The following ARHGEF10 variants were observed in gnomAD, a reference collection of about 807,000 sequenced individuals.
ARHGEF10 encodes the protein Rho guanine nucleotide exchange factor (GEF) 10.
A neutral mutation model predicts 147.4 loss-of-function variants in ARHGEF10; 140 were observed. The ratio of observed to expected loss-of-function variants is 0.95; its 90% CI spans 0.83 to 1.09. The LOEUF is 1.09. Ranked by LOEUF, ARHGEF10 falls within the 50% of genes least tolerant of loss-of-function variation. The pLI, the probability that ARHGEF10 is intolerant of heterozygous loss-of-function variation, is 0.00. For synonymous variants in ARHGEF10, 902 were observed against 695.8 expected, an observed-to-expected ratio of 1.30 and a Z score of -4.67; for missense variants, 2,222 against 1,752.7, an observed-to-expected ratio of 1.27 and a Z score of -4.78.
At chr8:1,898,690 C>A (rs560816442) in intron 15 of ARHGEF10, among the ~76,000 whole-genome samples, 165 bp downstream of exon 15, 1 of 152,158 alleles carries the variant, frequency 6.6e-6, no homozygotes, top group African/African-American at 2.4e-5. Flanking sequence ...TGGAGACCTG[C>A]GGAGAGTCAC....
chr8:1,854,597 CCCAAGCCCCTT>C lies in ARHGEF10; in HGVS notation c.38-3352_38-3342del, dbSNP rs375447755. ...AGCAGAGAGCTCTTGAATTCCAAGC[CCCAAGCCCCTT>C]CCAAGCCCCTCCAAGTCTAAACTAA... On this transcript the variant is annotated intron_variant, in intron 2 of 28. Transcript: ENST00000349830. Among the ~76,000 whole-genome samples the C allele has an allele frequency of 4.8e-3, 737 of 152,298 alleles. 3 individuals are homozygous for C. Among genetic ancestry groups the C allele is most frequent in the African/African-American group, 0.017 (688 of 41,546 alleles).
At chr8:1,919,418 T>C (rs1164745862) in intron 18 of ARHGEF10, among the ~76,000 whole-genome samples, 1 of 128,248 alleles carries the variant, frequency 7.8e-6, no homozygotes, top group Admixed American at 7.6e-5. Flanking sequence ...GAGCTGTTCC[T>C]TGGGTGATGG....
intron 2 of ARHGEF10, among the ~76,000 whole-genome samples, chr8:1,844,533 C>T (rs1165515373): frequency 1.5e-5 from 2 of 131,786 alleles, no homozygotes; most frequent in African/African-American, 5.6e-5. Flanking sequence ...ACTCCTGCTG[C>T]CGGGGGTCTG....
intron 2 of ARHGEF10, among the ~76,000 whole-genome samples, chr8:1,846,162 G>A (rs535057781): frequency 1.3e-4 from 20 of 152,330 alleles, no homozygotes; most frequent in Admixed American, 2.6e-4. Context: ...CGGGAGCCGC[G>A]GAGGGGCTGA....
intron 2 of ARHGEF10, among the ~76,000 whole-genome samples, chr8:1,854,090 A>G (rs887631549): frequency 6.6e-6 from 1 of 152,222 alleles, no homozygotes; most frequent in Non-Finnish European, 1.5e-5. Flanking sequence ...TTTTAAAGGC[A>G]TTCTGCATTG....
chr8:1,946,904 C>T (rs895505882), intron 27 of ARHGEF10, among the ~76,000 whole-genome samples: 1 of 152,180 alleles, frequency 6.6e-6, no homozygotes, highest in Non-Finnish European at 1.5e-5. Context: ...CCATGATAGC[C>T]GTTCTTTTCT....
chr8:1,854,417 T>C (rs905708747), intron 2 of ARHGEF10, among the ~76,000 whole-genome samples: 6 of 152,230 alleles, frequency 3.9e-5, no homozygotes, highest in African/African-American at 1.2e-4. Flanking sequence ...TGAGTTCTTG[T>C]AGAAAGGCTA....
chr8:1,855,577 A>T (rs2129067492), intron 2 of ARHGEF10, among the ~76,000 whole-genome samples: 1 of 149,250 alleles, frequency 6.7e-6, no homozygotes, highest in Admixed American at 6.7e-5. Flanking sequence ...TTTTTAAGAG[A>T]CGGGGTTTCA....
rs142541285 is a variant in ARHGEF10 at position 1,944,790 on chromosome 8, C to T, written c.3223-691C>T. Among the ~76,000 whole-genome samples the T allele has an allele frequency of 2.4e-4, 37 of 152,334 alleles. No individual in the cohort carries two copies. The East Asian group carries it at 4.4e-3, about 18-fold the overall frequency. ...CCCCTCCAATCCCTGATGGGCAAGG[C>T]GGGGGCAGTCCTCCTGGGACTGATC... is the stretch of plus-strand genomic sequence containing the variant. On this transcript the variant is annotated intron_variant, in intron 26 of 28. Coordinates refer to ENST00000349830, the MANE Select transcript of ARHGEF10 (RefSeq NM_014629.4).
At chr8:1,940,595 A>G (rs894643962) in intron 26 of ARHGEF10, among the ~76,000 whole-genome samples, 1 of 152,206 alleles carries the variant, frequency 6.6e-6, no homozygotes, top group Non-Finnish European at 1.5e-5. Flanking sequence ...CAAACTCTCC[A>G]AAAATATTGA....
At position 1,923,086 on chromosome 8, in the gene ARHGEF10, A is replaced by G; in HGVS notation, c.2259+7A>G. On this transcript the variant is annotated splice_region_variant and intron_variant, in intron 19 of 28. Transcript: ENST00000349830. ...CCTTAAAGGAAACTATCAGGTAACA[A>G]TTGAAGCAATTGGATTTAAGATTCT... 6.4e-7 allele frequency: 1 copy of G among 1,558,832 alleles called. No individual in the cohort carries two copies. Among genetic ancestry groups the G allele is most frequent in the Admixed American group, 1.7e-5 (1 of 59,906 alleles).
chr8:1,925,261 T>C (rs1204104901), intron 21 of ARHGEF10, 22 bp from the exon 22 acceptor site: 2 of 1,613,978 alleles, frequency 1.2e-6, no homozygotes, highest in African/African-American at 1.3e-5. Flanking sequence ...TCTTGCTCAT[T>C]TCTCTCTGAA....
At chr8:1,850,595 G>T (rs1563175705) in intron 2 of ARHGEF10, among the ~76,000 whole-genome samples, 1 of 147,878 alleles carries the variant, frequency 6.8e-6, no homozygotes, top group South Asian at 2.2e-4. Flanking sequence ...GGTGCTGGCG[G>T]GTGGCTAGAG....
chr8:1,934,605 C>T (rs947046503), intron 26 of ARHGEF10, among the ~76,000 whole-genome samples: 3 of 152,176 alleles, frequency 2.0e-5, no homozygotes, highest in Non-Finnish European at 4.4e-5. Flanking sequence ...ATGGATCATT[C>T]ACCAAAGAAT....
intron 1 of ARHGEF10, among the ~76,000 whole-genome samples, chr8:1,838,699 T>C (rs769382343): frequency 6.6e-6 from 1 of 152,268 alleles, no homozygotes; most frequent in Non-Finnish European, 1.5e-5. Flanking sequence ...GTCGGAAGCA[T>C]TGATGCCATC....
Position 1,894,455 on chromosome 8 carries a change from G to T in ARHGEF10, c.1323G>T (p.Thr441=). The T allele has an allele frequency of 1.2e-6, 2 of 1,614,220 alleles. No homozygotes were observed. The highest frequency in any genetic ancestry group is 8.5e-7 in the Non-Finnish European group (1 of 1,180,040). ...TTCTGAGTGAGAGGAAGCTGAAGAC[G>T]GTGTTCTACCGAGTCAAAGAGATCC... ...PKVLSERKLK[T]VFYRVKEILQ... Residue 441 remains threonine (T), a synonymous_variant, in exon 13 of 29, where the codon ACG becomes ACT. Coordinates refer to ENST00000349830, the MANE Select transcript of ARHGEF10 (RefSeq NM_014629.4).
chr8:1,829,597 T>A (rs1490583691), intron 1 of ARHGEF10, among the ~76,000 whole-genome samples: 1 of 152,198 alleles, frequency 6.6e-6, no homozygotes, highest in African/African-American at 2.4e-5. Flanking sequence ...CGTGGCTTTC[T>A]GTCGTTTGTG....
At position 1,957,271 on chromosome 8, in the gene ARHGEF10, G is replaced by A. The variant is rs376686846; in HGVS notation, c.*8G>A. On this transcript the variant is annotated 3_prime_UTR_variant, in exon 29 of 29. Transcript: ENST00000349830. Reference sequence around the variant, plus strand: ...CCTCTGCTGAATATATAAGCAGGACGGCCGCCTTCTGCTGTCAGAATTTGC... The same window carrying A: ...CCTCTGCTGAATATATAAGCAGGACAGCCGCCTTCTGCTGTCAGAATTTGC... 30 of 1,605,952 alleles carry A rather than the reference G, an allele frequency of 1.9e-5. No individual in the cohort carries two copies. The highest frequency in any genetic ancestry group is 1.3e-4 in the South Asian group (12 of 90,510).
chr8:1,902,109 C>A (rs952361728), intron 15 of ARHGEF10, among the ~76,000 whole-genome samples: 1 of 152,068 alleles, frequency 6.6e-6, no homozygotes, highest in Non-Finnish European at 1.5e-5. Context: ...TTTTAAGCCC[C>A]GCGTGCATTA....
Sources: allele counts gnomAD v4.1 joint callset (sites outside exome capture counted in the v4.1 genomes callset), GRCh38; gene constraint gnomAD v4.1.1; transcripts MANE v1.5; gene names NCBI Gene and HGNC (gene_info 2026-07-23, HGNC 2026-07-21).